CEP128: variants seen among roughly 807,000 people sequenced by gnomAD.
CEP128 encodes centrosomal protein 128kDa.
Under a neutral mutation model 156.7 loss-of-function variants are expected in CEP128, and 132 were observed. That is an observed-to-expected ratio of 0.84 (90% CI 0.73 to 0.97). The LOEUF (loss-of-function observed/expected upper bound fraction) is 0.97, where lower values mean the gene tolerates loss of function less well. Among genes scored for constraint, CEP128 ranks in the 50% least tolerant of loss-of-function variants. The pLI is 0.00. For missense variants in CEP128, 1,252 were observed against 1,281.9 expected (o/e 0.98, Z 0.36); for synonymous variants, 469 against 448.9 (o/e 1.04, Z -0.57).
chr14:80,829,463 TGCAGTGGCACAATC>T (rs1477358030), intron 13 of CEP128, among the ~76,000 whole-genome samples: 2 of 152,182 alleles, frequency 1.3e-5, no homozygotes, highest in Non-Finnish European at 2.9e-5. Flanking sequence ...TAGGCTGGAG[TGCAGTGGCACAATC>T]ACAGCTCGCT....
intron 19 of CEP128, among the ~76,000 whole-genome samples, chr14:80,720,347 T>C (rs1231477282): frequency 6.6e-6 from 1 of 152,094 alleles, no homozygotes; most frequent in African/African-American, 2.4e-5. Context: ...AGGACAGTAG[T>C]TGAGTGTCAC....
intron 14 of CEP128, among the ~76,000 whole-genome samples, chr14:80,788,414 T>A (rs1459079253): frequency 2.0e-5 from 3 of 150,600 alleles, no homozygotes; most frequent in African/African-American, 7.3e-5. Flanking sequence ...CATAGGCAAT[T>A]TGGATTATAG....
At chr14:80,589,826 T>A (rs917882041) in intron 19 of CEP128, among the ~76,000 whole-genome samples, 1 of 152,134 alleles carries the variant, frequency 6.6e-6, no homozygotes, top group Non-Finnish European at 1.5e-5. Context: ...TAAGTATTTT[T>A]AAAATAATGA....
intron 8 of CEP128, among the ~76,000 whole-genome samples, chr14:80,878,906 C>T (rs1888405113): frequency 6.6e-6 from 1 of 152,184 alleles, no homozygotes. Context: ...CTGTAGCTGC[C>T]TGTGAACCAC....
intron 13 of CEP128, among the ~76,000 whole-genome samples, chr14:80,809,531 C>T (rs1884383328): frequency 6.6e-6 from 1 of 151,966 alleles, no homozygotes; most frequent in Non-Finnish European, 1.5e-5. Flanking sequence ...CAATAAGATA[C>T]AATACAAAAA....
rs150927244 is a variant in CEP128 at position 80,575,793 on chromosome 14, G to A, written c.2856+4581C>T. Among the ~76,000 whole-genome samples, 360 of 152,102 alleles carry A rather than the reference G, an allele frequency of 2.4e-3. 1 individual carries two copies. The highest frequency in any genetic ancestry group is 8.2e-3 in the African/African-American group (339 of 41,470). On this transcript the variant is annotated intron_variant, in intron 20 of 24. Transcript: ENST00000555265. ...TACAATATCTATATATTGTGCTGACGCAAAGTAACCTACCAATGGCTTAGT... is the reference window on the plus strand; with the variant it reads ...TACAATATCTATATATTGTGCTGACACAAAGTAACCTACCAATGGCTTAGT...
At chr14:80,631,285 T>C (rs1660950329) in intron 19 of CEP128, among the ~76,000 whole-genome samples, 1 of 151,980 alleles carries the variant, frequency 6.6e-6, no homozygotes, top group African/African-American at 2.4e-5. Context: ...AAAATTACAT[T>C]GCCATCTAAC....
chr14:80,632,204 CTATG>C lies in CEP128; in HGVS notation c.2807-51785_2807-51782del, dbSNP rs1292259732. On this transcript the variant is annotated intron_variant, in intron 19 of 24. Transcript: ENST00000555265. ...CTTCAGTATTTTTCTTTTTAGTTTT[CTATG>C]TATGCACACATCACTAAATAATACA... 3.3e-5 allele frequency among the ~76,000 whole-genome samples: 5 copies of C among 151,894 alleles called. No individual in the cohort carries two copies. In the East Asian group the frequency reaches 9.6e-4, roughly 29 times the overall value.
rs1894897424 is a variant in CEP128, at chr14:80,651,389, T to G, written c.2807-70966A>C. On this transcript the variant is annotated intron_variant, in intron 19 of 24. Coordinates refer to ENST00000555265, the MANE Select transcript of CEP128 (RefSeq NM_152446.5). ...CCAGCTCCTGGATTCACTGATTTTT[T>G]GAAGAGTTTTCCATGTCTCTATCTC... Among the ~76,000 whole-genome samples, 4 of 152,166 alleles carry G rather than the reference T, an allele frequency of 2.6e-5. No individual in the cohort carries two copies. In the South Asian group the frequency reaches 8.3e-4, roughly 32 times the overall value.
At chr14:80,783,173 A>G (rs897693155) in intron 15 of CEP128, among the ~76,000 whole-genome samples, 1 of 152,138 alleles carries the variant, frequency 6.6e-6, no homozygotes, top group Non-Finnish European at 1.5e-5. Flanking sequence ...AAAAACAACA[A>G]CAAAAACAAA....
intron 17 of CEP128, among the ~76,000 whole-genome samples, 171 bp from the exon 18 acceptor site, chr14:80,757,122 T>C (rs530069991): frequency 3.3e-5 from 5 of 152,358 alleles, no homozygotes; most frequent in Admixed American, 2.6e-4. Context: ...TTCATTTATA[T>C]GCCTTTTTAT....
At chr14:80,589,446 T>C (rs966890512) in intron 19 of CEP128, among the ~76,000 whole-genome samples, 11 of 152,180 alleles carry the variant, frequency 7.2e-5, no homozygotes, top group African/African-American at 2.4e-4. Context: ...GTATATGGTA[T>C]GCCACATTCA....
chr14:80,560,001 C>A (rs1474337430), intron 20 of CEP128, among the ~76,000 whole-genome samples: 1 of 152,172 alleles, frequency 6.6e-6, no homozygotes, highest in Non-Finnish European at 1.5e-5. Context: ...GAGGTGACAT[C>A]TATAAACAGG....
chr14:80,933,521 A>G (rs1193004456), intron 2 of CEP128, among the ~76,000 whole-genome samples: 1 of 152,212 alleles, frequency 6.6e-6, no homozygotes, highest in Non-Finnish European at 1.5e-5. Flanking sequence ...CAGCTGTAGC[A>G]CAAAAGCACA....
intron 19 of CEP128, among the ~76,000 whole-genome samples, chr14:80,616,006 G>C (rs17110851): frequency 0.11 from 17,395 of 152,212 alleles, 1,324 homozygotes; most frequent in East Asian, 0.31. Context: ...CTCAAATACA[G>C]AAAGACTATC....
chr14:80,728,593 C>T (rs1241738529), intron 19 of CEP128, among the ~76,000 whole-genome samples: 1 of 152,064 alleles, frequency 6.6e-6, no homozygotes, highest in African/African-American at 2.4e-5. Context: ...GTATGCATTG[C>T]TATGGGATCT....
chr14:80,872,613 A>G (rs778664728), intron 8 of CEP128, among the ~76,000 whole-genome samples: 5 of 152,246 alleles, frequency 3.3e-5, no homozygotes, highest in Non-Finnish European at 5.9e-5. Context: ...CACTTTATGT[A>G]TGTACAATAT....
At chr14:80,657,162 G>A (rs1408565009) in intron 19 of CEP128, among the ~76,000 whole-genome samples, 3 of 151,776 alleles carry the variant, frequency 2.0e-5, no homozygotes, top group Non-Finnish European at 2.9e-5. Context: ...GGAGGCTGAG[G>A]CAGGGAACTG....
intron 19 of CEP128, among the ~76,000 whole-genome samples, chr14:80,705,714 C>A (rs1264404094): frequency 6.6e-6 from 1 of 152,080 alleles, no homozygotes; most frequent in Non-Finnish European, 1.5e-5. Context: ...GTGCTTGGAG[C>A]CTTGGGGCAG....
Sources: allele counts gnomAD v4.1 joint callset (sites outside exome capture counted in the v4.1 genomes callset), GRCh38; gene constraint gnomAD v4.1.1; transcripts MANE v1.5; gene names NCBI Gene and HGNC (gene_info 2026-07-23, HGNC 2026-07-21).